The following PHLDB2 variants were observed in gnomAD, a reference collection of about 807,000 sequenced individuals.
The protein encoded by PHLDB2 is pleckstrin homology like domain family B member 2, also known as pleckstrin homology-like domain family B member 2.
PHLDB2 carries 71 observed loss-of-function variants against 123.6 expected under a neutral mutation model. The observed-to-expected ratio is 0.57, with a 90% CI of 0.47 to 0.70. The LOEUF (loss-of-function observed/expected upper bound fraction) is 0.70, where lower values mean the gene tolerates loss of function less well. PHLDB2 is among the 30% of genes least tolerant of loss of function. The pLI, the probability that PHLDB2 is intolerant of heterozygous loss-of-function variation, is 0.00. For synonymous variants in PHLDB2, 547 were observed against 541.6 expected (o/e 1.01, Z -0.14); for missense variants, 1,446 against 1,519.5 (o/e 0.95, Z 0.80).
At chr3:111,936,112 C>G (rs2069476900) in intron 6 of PHLDB2, among the ~76,000 whole-genome samples, 1 of 152,208 alleles carries the variant, frequency 6.6e-6, no homozygotes, top group Admixed American at 6.5e-5. Context: ...CTATTCTCTT[C>G]TTCCTGTCCC....
intron 1 of PHLDB2, among the ~76,000 whole-genome samples, chr3:111,797,287 G>T (rs946765135): frequency 1.3e-5 from 2 of 152,164 alleles, no homozygotes; most frequent in Non-Finnish European, 2.9e-5. Context: ...AGATGCTAAA[G>T]AAATTAACAA....
intron 1 of PHLDB2, among the ~76,000 whole-genome samples, chr3:111,794,106 C>T (rs1305490183): frequency 6.6e-6 from 1 of 152,046 alleles, no homozygotes; most frequent in African/African-American, 2.4e-5. Flanking sequence ...GCCTAGACTG[C>T]CTTTCAAGTT....
At chr3:111,736,214 GTTC>G (rs2059504330) in intron 1 of PHLDB2, among the ~76,000 whole-genome samples, 1 of 152,132 alleles carries the variant, frequency 6.6e-6, no homozygotes, top group African/African-American at 2.4e-5. Flanking sequence ...AGAGAAAATT[GTTC>G]TTATCATCTC....
intron 1 of PHLDB2, among the ~76,000 whole-genome samples, chr3:111,752,551 T>C (rs1214413258): frequency 1.3e-5 from 2 of 151,898 alleles, no homozygotes; most frequent in Non-Finnish European, 2.9e-5. Flanking sequence ...ATTTTGCTGT[T>C]AGTATATAAA....
At chr3:111,905,350 T>A (rs1271899363) in intron 2 of PHLDB2, among the ~76,000 whole-genome samples, 4 of 152,048 alleles carry the variant, frequency 2.6e-5, no homozygotes, top group African/African-American at 9.7e-5. Context: ...TTTTGTTTTT[T>A]TAAGTCATTT....
intron 1 of PHLDB2, among the ~76,000 whole-genome samples, chr3:111,839,303 A>C (rs1334336627): frequency 1.3e-5 from 2 of 152,198 alleles, no homozygotes; most frequent in Non-Finnish European, 2.9e-5. Flanking sequence ...ACTTGAACAG[A>C]GTTTGTGAAT....
Position 111,896,756 on chromosome 3 carries a change from CA to C in PHLDB2, c.1335+11359del, listed in dbSNP as rs71625223. 7.8e-3 allele frequency among the ~76,000 whole-genome samples: 1,013 copies of C among 129,838 alleles called. 2 individuals are homozygous for C. The highest frequency in any genetic ancestry group is 0.012 in the Middle Eastern group (3 of 242). 85.2% of individuals were successfully genotyped at this position (129,838 alleles called of 152,430 possible). A position where few individuals can be genotyped will look rare whatever the true frequency, so the allele number is the denominator to read the frequency against. On this transcript the variant is annotated intron_variant, in intron 2 of 17. Coordinates refer to ENST00000431670, the MANE Select transcript of PHLDB2 (RefSeq NM_001134438.2). The stretch of plus-strand genomic sequence containing the variant: ...TTCTTAAAGTTGGAAATTGATTTTT[CA>C]AAAAAAAAAAAAAATCCAAAACAAG...
intron 1 of PHLDB2, among the ~76,000 whole-genome samples, chr3:111,803,393 C>T (rs2061450297): frequency 6.6e-6 from 1 of 152,176 alleles, no homozygotes; most frequent in East Asian, 1.9e-4. Flanking sequence ...TTCCTGTAAA[C>T]TCCAGTCCAG....
chr3:111,807,953 T>G (rs4682317), intron 1 of PHLDB2, among the ~76,000 whole-genome samples: 418 of 32,446 alleles, frequency 0.013, 7 homozygotes, highest in African/African-American at 0.028. Context: ...GGTGTTTTTT[T>G]TTTTTTTTTT....
chr3:111,907,545 G>C (rs1431115848), intron 2 of PHLDB2, among the ~76,000 whole-genome samples: 1 of 152,082 alleles, frequency 6.6e-6, no homozygotes, highest in Admixed American at 6.5e-5. Context: ...TGCCCAAGTT[G>C]GAGTGTAGTA....
intron 1 of PHLDB2, among the ~76,000 whole-genome samples, chr3:111,807,082 C>T (rs1316356405): frequency 6.6e-6 from 1 of 151,312 alleles, no homozygotes; most frequent in East Asian, 1.9e-4. Context: ...ATACTAGATA[C>T]AGGATACTAG....
intron 1 of PHLDB2, among the ~76,000 whole-genome samples, chr3:111,819,630 A>C: frequency 6.6e-6 from 1 of 152,158 alleles, no homozygotes; most frequent in Admixed American, 6.6e-5. Flanking sequence ...CAAAAAACCA[A>C]AGTGGGTGTC....
At chr3:111,894,884 C>A (rs2107398034) in intron 2 of PHLDB2, among the ~76,000 whole-genome samples, 1 of 151,970 alleles carries the variant, frequency 6.6e-6, no homozygotes, top group African/African-American at 2.4e-5. Flanking sequence ...CACCTTGGGT[C>A]ATTAGAGAAT....
chr3:111,742,701 A>C (rs934564701), intron 1 of PHLDB2, among the ~76,000 whole-genome samples: 10 of 152,184 alleles, frequency 6.6e-5, no homozygotes, highest in African/African-American at 2.4e-4. Context: ...TTCTTAATCC[A>C]GTCTAAAGTT....
chr3:111,910,428 G>A (rs1455916324), intron 2 of PHLDB2, among the ~76,000 whole-genome samples: 3 of 152,124 alleles, frequency 2.0e-5, no homozygotes, highest in African/African-American at 7.2e-5. Context: ...TGGAAAGGTG[G>A]GTAGGATTTG....
At chr3:111,799,271 T>C (rs984630060) in intron 1 of PHLDB2, among the ~76,000 whole-genome samples, 1 of 152,094 alleles carries the variant, frequency 6.6e-6, no homozygotes, top group Non-Finnish European at 1.5e-5. Flanking sequence ...GGTACTCTTA[T>C]TATAATGGGA....
chr3:111,948,312 GA>G (rs1231772213), intron 9 of PHLDB2, among the ~76,000 whole-genome samples: 2 of 152,012 alleles, frequency 1.3e-5, no homozygotes, highest in African/African-American at 4.8e-5. Flanking sequence ...TTTTGTTAGG[GA>G]AGACTCACCT....
At position 111,884,872 on chromosome 3, in the gene PHLDB2, C is replaced by G; in HGVS notation, c.795C>G (p.Asn265Lys). Residue 265 changes from asparagine to lysine, a missense_variant, in exon 2 of 18, where the codon AAC (asparagine) becomes AAG (lysine). Asn to Lys is a moderately conservative substitution (Grantham distance 94, BLOSUM62 0). Transcript: ENST00000431670. ...SLPRLYRATE[N>K]QLTPLSLPPR... Reference sequence around the variant, plus strand: ...CCAGGTTGTACAGAGCCACAGAGAACCAGCTGACACCTCTCAGCTTGCCTC... The same window carrying G: ...CCAGGTTGTACAGAGCCACAGAGAAGCAGCTGACACCTCTCAGCTTGCCTC... 1 of 1,614,160 alleles carries G rather than the reference C, an allele frequency of 6.2e-7. No homozygotes were observed. The highest frequency in any genetic ancestry group is 8.5e-7 in the Non-Finnish European group (1 of 1,180,022).
At chr3:111,780,965 T>A (rs1177879473) in intron 1 of PHLDB2, among the ~76,000 whole-genome samples, 1 of 152,094 alleles carries the variant, frequency 6.6e-6, no homozygotes, top group Non-Finnish European at 1.5e-5. Context: ...GAGCTATACA[T>A]ATAGTAGATG....
Sources: gnomAD v4.1 joint callset for allele counts (sites outside exome capture counted in the v4.1 genomes callset) on GRCh38, gnomAD v4.1.1 for gene constraint, MANE v1.5 for transcripts, NCBI Gene and HGNC (gene_info 2026-07-23, HGNC 2026-07-21) for gene names.